ELOVL5: variants seen among roughly 807,000 people sequenced by gnomAD.
ELOVL5 encodes the protein ELOVL fatty acid elongase 5, also known as very long chain fatty acid elongase 5.
A neutral mutation model predicts 38.6 loss-of-function variants in ELOVL5; 8 were observed. The observed-to-expected ratio is 0.21, with a 90% CI of 0.12 to 0.37. The LOEUF is 0.37. ELOVL5 is among the 10% of genes least tolerant of loss of function. The pLI is 1.00. For missense variants in ELOVL5, 280 were observed against 367.8 expected (o/e 0.76, Z 1.95); for synonymous variants, 127 against 133.7 (o/e 0.95, Z 0.34).
chr6:53,291,981 A>T lies in ELOVL5; in HGVS notation c.59-18T>A. ...TCTAGTATCTGAAAAATTAAAAAAAATTAATGATATATAAAAACATTCACA... is the reference window on the plus strand; with the variant it reads ...TCTAGTATCTGAAAAATTAAAAAAATTTAATGATATATAAAAACATTCACA... On this transcript the variant is annotated intron_variant, in intron 2 of 7. Transcript: ENST00000304434. The T allele has an allele frequency of 7.1e-7, 1 of 1,417,314 alleles. No homozygotes were observed. The highest frequency in any genetic ancestry group is 1.4e-5 in the South Asian group (1 of 69,900). The allele number at this position is 1,417,314 out of a possible 1,614,324, so 87.8% of individuals were successfully genotyped here.
At chr6:53,305,778 C>T (rs954795542) in intron 1 of ELOVL5, among the ~76,000 whole-genome samples, 9 of 151,718 alleles carry the variant, frequency 5.9e-5, no homozygotes, top group Admixed American at 1.3e-4. Context: ...CAGGCAGAGA[C>T]GCTCCTCACT....
chr6:53,269,044 C>G lies in ELOVL5; in HGVS notation c.*83G>C, dbSNP rs1465227250. ...CTATTGTAGGCCAGACTAGTTACAG[C>G]AGCTGTTAACGAGCATTGGGGCACA... On this transcript the variant is annotated 3_prime_UTR_variant, in exon 8 of 8. Transcript: ENST00000304434. The G allele has an allele frequency of 2.8e-5, 42 of 1,504,024 alleles. No individual in the cohort carries two copies. The highest frequency in any genetic ancestry group is 3.7e-5 in the Non-Finnish European group (41 of 1,105,946). 93.2% of individuals were successfully genotyped at this position (1,504,024 alleles called of 1,614,324 possible). A position where few individuals can be genotyped will look rare whatever the true frequency, so the allele number is the denominator to read the frequency against.
Position 53,333,434 on chromosome 6 carries a change from T to C in ELOVL5, c.-9+15383A>G, listed in dbSNP as rs79229110. Among the ~76,000 whole-genome samples the C allele has an allele frequency of 3.9e-3, 596 of 152,306 alleles. 5 individuals carry two copies. Among genetic ancestry groups the C allele is most frequent in the African/African-American group, 0.014 (576 of 41,572 alleles). On this transcript the variant is annotated intron_variant, in intron 1 of 7. Coordinates refer to ENST00000304434, the MANE Select transcript of ELOVL5 (RefSeq NM_021814.5). The stretch of plus-strand genomic sequence containing the variant: ...TGGGGGAAAAAATCATGACTGTTTA[T>C]AGTGGACAGTACAACTGAGACGTTA...
At chr6:53,303,619 C>T (rs1767355032) in intron 1 of ELOVL5, among the ~76,000 whole-genome samples, 2 of 152,152 alleles carry the variant, frequency 1.3e-5, no homozygotes, top group African/African-American at 4.8e-5. Context: ...AAAGCACTGC[C>T]ACAGGTTAGC....
chr6:53,278,680 G>T (rs938541246), intron 3 of ELOVL5, among the ~76,000 whole-genome samples: 2 of 151,960 alleles, frequency 1.3e-5, no homozygotes, highest in African/African-American at 4.8e-5. Flanking sequence ...CTGCTCACTC[G>T]GTGCCACTCC....
chr6:53,291,546 A>G (rs1433001990), intron 3 of ELOVL5, among the ~76,000 whole-genome samples: 1 of 152,232 alleles, frequency 6.6e-6, no homozygotes, highest in Non-Finnish European at 1.5e-5. Flanking sequence ...TAATAGAAGA[A>G]TCAATAACAA....
intron 1 of ELOVL5, among the ~76,000 whole-genome samples, chr6:53,329,688 G>T (rs1292104207): frequency 6.6e-6 from 1 of 152,128 alleles, no homozygotes; most frequent in East Asian, 1.9e-4. Flanking sequence ...GCCGGGCATG[G>T]TAGTAGGCAC....
chr6:53,298,696 C>T (rs757505709), intron 1 of ELOVL5, among the ~76,000 whole-genome samples: 5 of 152,148 alleles, frequency 3.3e-5, no homozygotes, highest in African/African-American at 2.4e-5. Flanking sequence ...CAACCACCCA[C>T]GGCTGTCTCT....
At chr6:53,348,292 G>A (rs1457082091) in intron 1 of ELOVL5, among the ~76,000 whole-genome samples, 1 of 152,166 alleles carries the variant, frequency 6.6e-6, no homozygotes, top group East Asian at 1.9e-4. Flanking sequence ...AAAGGCCGGA[G>A]AGTCCCCCCA....
chr6:53,294,212 T>A (rs1766890008), intron 2 of ELOVL5: 1 of 1,484,034 alleles, frequency 6.7e-7, no homozygotes, highest in East Asian at 2.5e-5. Context: ...TGACCCGAAC[T>A]CCAGCCCCAG....
At chr6:53,334,945 G>C (rs1160022866) in intron 1 of ELOVL5, among the ~76,000 whole-genome samples, 2 of 152,152 alleles carry the variant, frequency 1.3e-5, no homozygotes, top group Non-Finnish European at 2.9e-5. Context: ...TGACATAAAG[G>C]AAAGAGTTAG....
At chr6:53,334,600 AG>A (rs2127592662) in intron 1 of ELOVL5, among the ~76,000 whole-genome samples, 1 of 152,264 alleles carries the variant, frequency 6.6e-6, no homozygotes, top group East Asian at 1.9e-4. Context: ...AGAAATTTAA[AG>A]AAAGGGTATA....
intron 1 of ELOVL5, among the ~76,000 whole-genome samples, chr6:53,318,797 C>A (rs896068652): frequency 1.3e-4 from 20 of 152,274 alleles, no homozygotes; most frequent in African/African-American, 3.6e-4. Context: ...TAAATTTCAA[C>A]ACTAAAGCAG....
intron 1 of ELOVL5, among the ~76,000 whole-genome samples, chr6:53,329,816 T>C (rs969154141): frequency 6.6e-6 from 1 of 152,138 alleles, no homozygotes; most frequent in Non-Finnish European, 1.5e-5. Context: ...AGAGCAAGAC[T>C]TCGTCTCAGA....
chr6:53,336,432 G>A (rs1769071411), intron 1 of ELOVL5, among the ~76,000 whole-genome samples: 1 of 152,224 alleles, frequency 6.6e-6, no homozygotes, highest in Non-Finnish European at 1.5e-5. Context: ...GGCTGAAGCA[G>A]GCAGACTGCT....
rs917717977 is a variant in ELOVL5 at position 53,268,106 on chromosome 6, T to C, written c.*1021A>G. ...CTTTCCCCCCCTTTGTTAATTTTGG[T>C]AAACTAGGCACATTTTACAAGGAAA... On this transcript the variant is annotated 3_prime_UTR_variant, in exon 8 of 8. Transcript: ENST00000304434. The C allele has an allele frequency of 6.6e-6, 1 of 152,118 alleles. No individual in the cohort carries two copies. The highest frequency in any genetic ancestry group is 1.5e-5 in the Non-Finnish European group (1 of 68,018). The allele number at this position is 152,118 out of a possible 1,614,324, so 9.4% of individuals were successfully genotyped here. A position where few individuals can be genotyped will look rare whatever the true frequency, so the allele number is the denominator to read the frequency against.
intron 3 of ELOVL5, among the ~76,000 whole-genome samples, chr6:53,281,812 CTCCA>C (rs1363864518): frequency 1.5e-5 from 2 of 133,270 alleles, no homozygotes; most frequent in African/African-American, 6.5e-5. Context: ...CACCCATGAC[CTCCA>C]CAGGTGTTTT....
chr6:53,287,981 T>A, intron 3 of ELOVL5: 1 of 1,503,988 alleles, frequency 6.6e-7, no homozygotes, highest in South Asian at 1.2e-5. Context: ...GCTTAGGGTC[T>A]AAGAGGTCTG....
intron 1 of ELOVL5, among the ~76,000 whole-genome samples, chr6:53,318,607 G>A (rs1768151501): frequency 6.6e-6 from 1 of 152,090 alleles, no homozygotes; most frequent in African/African-American, 2.4e-5. Flanking sequence ...GGGAGTGGTG[G>A]TGCACACCTG....
Sources: gnomAD v4.1 joint callset for allele counts (sites outside exome capture counted in the v4.1 genomes callset) on GRCh38, gnomAD v4.1.1 for gene constraint, MANE v1.5 for transcripts, NCBI Gene and HGNC (gene_info 2026-07-23, HGNC 2026-07-21) for gene names.